Variants in SHCBP1 observed in about 807,000 individuals in gnomAD.
SHCBP1 encodes SHC binding and spindle associated 1.
SHCBP1 carries 60 observed loss-of-function variants against 75.1 expected under a neutral mutation model. That is an observed-to-expected ratio of 0.80 (90% CI 0.65 to 0.99). SHCBP1 has a LOEUF of 0.99. Among genes scored for constraint, SHCBP1 ranks in the 50% least tolerant of loss-of-function variants. The pLI is 0.00. For synonymous variants in SHCBP1, 290 were observed against 293.2 expected (o/e 0.99, Z 0.11); for missense variants, 709 against 809.4 (o/e 0.88, Z 1.50).
chr16:46,604,180 A>G (rs554579895), intron 6 of SHCBP1, 37 bp from the exon 7 acceptor site: 13 of 1,613,012 alleles, frequency 8.1e-6, no homozygotes, highest in Non-Finnish European at 1.0e-5. Flanking sequence ...GTAAGACAGC[A>G]AGTAAGAAAA....
chr16:46,609,276 G>A (rs562013699), intron 4 of SHCBP1, among the ~76,000 whole-genome samples: 8 of 152,094 alleles, frequency 5.3e-5, no homozygotes, highest in African/African-American at 1.4e-4. Flanking sequence ...GCAGTGAAGC[G>A]AGATCGCACC....
In SHCBP1 at chr16:46,621,293, A is replaced by G. The variant is rs773761609; in HGVS notation, c.67T>C (p.Trp23Arg). 4 of 1,610,814 alleles carry G rather than the reference A, an allele frequency of 2.5e-6. No homozygotes were observed. In the African/African-American group the frequency reaches 5.3e-5, roughly 22 times the overall value. The change falls in exon 1 of 13, where the codon TGG becomes CGG. Residue 23 changes from tryptophan to arginine, a missense_variant. Transcript: ENST00000303383. ...GACGCCAGCTCCTGCTCCACCGCCC[A>G]GCCCATGCGCTCCGGCGCCATGGCC... ...AAAMAPERMG[W>R]AVEQELASLE...
intron 1 of SHCBP1, 148 bp downstream of exon 1, chr16:46,621,109 C>G (rs923969818): frequency 1.5e-6 from 1 of 647,434 alleles, no homozygotes; most frequent in Non-Finnish European, 2.5e-6. Context: ...TTTGAGGTCC[C>G]GTCACTGGGT....
At chr16:46,591,424 GAGAC>G (rs1965046641) in intron 10 of SHCBP1, among the ~76,000 whole-genome samples, 1 of 152,020 alleles carries the variant, frequency 6.6e-6, no homozygotes, top group Non-Finnish European at 1.5e-5. Flanking sequence ...AAAATTACCA[GAGAC>G]AGACATAATC....
rs369921811 is a variant in SHCBP1 at position 46,595,577 on chromosome 16, T to C, written c.1439A>G (p.Lys480Arg). The C allele has an allele frequency of 6.2e-7, 1 of 1,614,094 alleles. No homozygotes were observed. The part of the protein sequence containing the change: ...TVRTSAEFLM[K>R]NSDLYGAKGA... ...CTTGGCGCCATATAAATCCGAGTTC[T>C]TCATTAGAAACTCTGCTGATGTCCG... The change falls in exon 10 of 13, where the codon AAG (lysine) becomes AGG (arginine). Residue 480 changes from lysine (K) to arginine (R), a missense_variant. Coordinates refer to ENST00000303383, the MANE Select transcript of SHCBP1 (RefSeq NM_024745.5).
At chr16:46,618,842 T>C (rs975552082) in intron 1 of SHCBP1, among the ~76,000 whole-genome samples, 4 of 152,210 alleles carry the variant, frequency 2.6e-5, no homozygotes, top group Non-Finnish European at 5.9e-5. Context: ...TGGAAATCAC[T>C]CAAGATCTCC....
intron 4 of SHCBP1, 28 bp from the exon 5 acceptor site, chr16:46,608,417 T>G (rs1028809980): frequency 6.8e-7 from 1 of 1,467,060 alleles, no homozygotes; most frequent in Non-Finnish European, 9.5e-7. Flanking sequence ...ATCATTCAAA[T>G]TCTATCACTG....
At chr16:46,600,615 A>G (rs1295585628) in intron 8 of SHCBP1, among the ~76,000 whole-genome samples, 1 of 152,246 alleles carries the variant, frequency 6.6e-6, no homozygotes, top group Non-Finnish European at 1.5e-5. Flanking sequence ...AGTTCTCAAG[A>G]TGATCTAATT....
rs1964835896 is a variant in SHCBP1, at chr16:46,579,269, T to C, written c.*2460A>G. On this transcript the variant is annotated 3_prime_UTR_variant, in exon 13 of 13. Coordinates refer to ENST00000303383, the MANE Select transcript of SHCBP1 (RefSeq NM_024745.5). ...CTCAAATATCAAACCCATACCCCTC[T>C]AGGGCACTCCCTAAATTCCCTATGC... is the stretch of plus-strand genomic sequence containing the variant. 6.6e-6 allele frequency among the ~76,000 whole-genome samples: 1 copy of C among 152,176 alleles called. No individual in the cohort carries two copies. Among genetic ancestry groups the C allele is most frequent in the South Asian group, 2.1e-4 (1 of 4,830 alleles).
chr16:46,581,837 C>A lies in SHCBP1; in HGVS notation c.1911G>T (p.Gly637=). The part of the protein sequence containing the change: ...QIKKKRLSEL[G]ITQADDNLMS... ...TTAAGTTGTCATCAGCTTGCGTGAT[C>A]CCCAGTTCACTCAACCTTTTCTTCT... The change falls in exon 13 of 13, where the codon GGG becomes GGT. Residue 637 remains glycine (G), a synonymous_variant. Coordinates refer to ENST00000303383, the MANE Select transcript of SHCBP1 (RefSeq NM_024745.5). 1 of 1,614,166 alleles carries A rather than the reference C, an allele frequency of 6.2e-7. No homozygotes were observed. The highest frequency in any genetic ancestry group is 1.1e-5 in the South Asian group (1 of 91,080).
At chr16:46,587,383 C>T (rs1010092981) in intron 10 of SHCBP1, among the ~76,000 whole-genome samples, 2 of 152,000 alleles carry the variant, frequency 1.3e-5, no homozygotes, top group Admixed American at 6.6e-5. Flanking sequence ...AAATGAAAAG[C>T]ATAACAAACA....
chr16:46,605,089 AG>A (rs1965305427), intron 5 of SHCBP1, among the ~76,000 whole-genome samples: 3 of 152,140 alleles, frequency 2.0e-5, no homozygotes, highest in African/African-American at 7.2e-5. Flanking sequence ...TGAGATTCCG[AG>A]GGGGAAAAAA....
chr16:46,619,880 C>G (rs1326807678), intron 1 of SHCBP1, among the ~76,000 whole-genome samples: 6 of 151,954 alleles, frequency 3.9e-5, no homozygotes, highest in Non-Finnish European at 8.8e-5. Context: ...ACTAAAAATA[C>G]AAAAATTAGC....
chr16:46,617,840 G>C, intron 2 of SHCBP1, 91 bp from the exon 3 acceptor site: 1 of 992,696 alleles, frequency 1.0e-6, no homozygotes, highest in African/African-American at 1.6e-5. Flanking sequence ...CTGGCAATCT[G>C]AGGGACTGAA....
rs1965498369 is a variant in SHCBP1, at chr16:46,616,246, A to C, written c.388-92T>G. 4 of 1,287,692 alleles carry C rather than the reference A, an allele frequency of 3.1e-6. No individual in the cohort carries two copies. Among genetic ancestry groups the C allele is most frequent in the Non-Finnish European group, 4.4e-6 (4 of 917,952 alleles). 79.8% of individuals were successfully genotyped at this position (1,287,692 alleles called of 1,614,324 possible). On this transcript the variant is annotated intron_variant, in intron 3 of 12. Coordinates refer to ENST00000303383, the MANE Select transcript of SHCBP1 (RefSeq NM_024745.5). This position sits in a 1 kb window ranked among gnomAD's most constrained non-coding sequence, Gnocchi z 4.4. Reference sequence around the variant, plus strand: ...CTGACAACCTGATTTTTTTAAAAGCATACAACATGGGTGGGGAGGCTTTAC... The same window carrying C: ...CTGACAACCTGATTTTTTTAAAAGCCTACAACATGGGTGGGGAGGCTTTAC...
rs543364060 is a variant in SHCBP1, at chr16:46,587,809, C to T, written c.1465-3720G>A. ...GAATTGAACTCAGCTCTGCACCAAGCGGACCTAATAGACATCTACAGAACT... is the reference window on the plus strand; with the variant it reads ...GAATTGAACTCAGCTCTGCACCAAGTGGACCTAATAGACATCTACAGAACT... On this transcript the variant is annotated intron_variant, in intron 10 of 12. Transcript: ENST00000303383. 9.9e-5 allele frequency among the ~76,000 whole-genome samples: 15 copies of T among 152,216 alleles called. No homozygotes were observed. In the South Asian group the frequency reaches 1.2e-3, roughly 13 times the overall value.
intron 2 of SHCBP1, 114 bp downstream of exon 2, chr16:46,618,091 A>T (rs2011677): frequency 9.7e-7 from 1 of 1,027,414 alleles, no homozygotes; most frequent in Non-Finnish European, 1.4e-6. Flanking sequence ...CAGGAGAATC[A>T]CCTGAACCTG....
rs1027878487 is a variant in SHCBP1, at chr16:46,578,646, G to A, written c.*3083C>T. The stretch of plus-strand genomic sequence containing the variant: ...TTAATAGTGAGAACTAAAAAAAGAG[G>A]AGAATGTTCACCACATATAAGACTT... On this transcript the variant is annotated 3_prime_UTR_variant, in exon 13 of 13. Coordinates refer to ENST00000303383, the MANE Select transcript of SHCBP1 (RefSeq NM_024745.5). Among the ~76,000 whole-genome samples, 1 of 151,858 alleles carries A rather than the reference G, an allele frequency of 6.6e-6. No homozygotes were observed. The highest frequency in any genetic ancestry group is 6.6e-5 in the Admixed American group (1 of 15,234).
At chr16:46,619,752 T>C (rs987678898) in intron 1 of SHCBP1, among the ~76,000 whole-genome samples, 1 of 152,154 alleles carries the variant, frequency 6.6e-6, no homozygotes, top group Non-Finnish European at 1.5e-5. Flanking sequence ...TATAACCTGA[T>C]GGCCAGGCAC....
Sources: allele counts gnomAD v4.1 joint callset (sites outside exome capture counted in the v4.1 genomes callset), GRCh38; gene constraint gnomAD v4.1.1; non-coding constraint Gnocchi (gnomAD v3.1); transcripts MANE v1.5; gene names NCBI Gene and HGNC (gene_info 2026-07-23, HGNC 2026-07-21).